Variants in SHMT1 observed in about 807,000 individuals in gnomAD.
SHMT1 encodes the protein serine hydroxymethyltransferase 1, also known as serine hydroxymethyltransferase, cytosolic.
In SHMT1, 45 loss-of-function variants were observed where a neutral mutation model predicts 49.0. That is an observed-to-expected ratio of 0.92 (90% CI 0.72 to 1.18). The LOEUF (loss-of-function observed/expected upper bound fraction) is 1.18, where lower values mean the gene tolerates loss of function less well. SHMT1 is among the 50% of genes most tolerant of loss of function. The pLI, the probability that SHMT1 is intolerant of heterozygous loss-of-function variation, is 0.00. For synonymous variants in SHMT1, 232 were observed against 246.6 expected (o/e 0.94, Z 0.55); for missense variants, 541 against 612.4 (o/e 0.88, Z 1.23).
rs1273822230 is a variant in SHMT1, at chr17:18,327,918, T to TA, written c.*831dup. ...TATTTGAGTTCAAATATTTTTGAAATATAAAAATTGGTTGTATTTTTTAAA... is the reference window on the plus strand; with the variant it reads ...TATTTGAGTTCAAATATTTTTGAAATAATAAAAATTGGTTGTATTTTTTAAA... On this transcript the variant is annotated 3_prime_UTR_variant, in exon 12 of 12. Transcript: ENST00000316694. 6.6e-6 allele frequency: 1 copy of TA among 152,654 alleles called. No individual in the cohort carries two copies. Among genetic ancestry groups the TA allele is most frequent in the Non-Finnish European group, 1.5e-5 (1 of 68,042 alleles). The allele number at this position is 152,654 out of a possible 1,614,324, so 9.5% of individuals were successfully genotyped here.
chr17:18,334,602 G>A (rs1040621981), intron 8 of SHMT1, among the ~76,000 whole-genome samples: 1 of 152,220 alleles, frequency 6.6e-6, no homozygotes, highest in Non-Finnish European at 1.5e-5. Context: ...GGTAGGAGGT[G>A]CAGCCTTCGT....
chr17:18,357,055 G>A (rs151295591), intron 1 of SHMT1, among the ~76,000 whole-genome samples: 35 of 152,010 alleles, frequency 2.3e-4, no homozygotes, highest in African/African-American at 8.4e-4. Flanking sequence ...GCCGAGGTGG[G>A]CAGATCACAA....
rs149605287 is a variant in SHMT1 at position 18,340,735 on chromosome 17, C to T, written c.598G>A (p.Ala200Thr). 37 of 1,611,542 alleles carry T rather than the reference C, an allele frequency of 2.3e-5. No individual in the cohort carries two copies. The highest frequency in any genetic ancestry group is 1.7e-4 in the Middle Eastern group (1 of 6,060). ...ARLFHPKLII[A>T]GTSCYSRNLE... ...GACTTTCCGCCCCGCGCATCACCTG[C>T]GATGATCAGCTTCGGGTGGAAGAGG... is the stretch of plus-strand genomic sequence containing the variant. The change falls in exon 6 of 12, where the codon GCA becomes ACA. Residue 200 changes from alanine (A) to threonine (T), a missense_variant. Physicochemically the swap from Ala to Thr is moderately conservative, Grantham distance 58. Coordinates refer to ENST00000316694, the MANE Select transcript of SHMT1 (RefSeq NM_004169.5). This position sits in a 1 kb window ranked among gnomAD's most constrained non-coding sequence, Gnocchi z 4.5.
intron 7 of SHMT1, 149 bp downstream of exon 7, chr17:18,339,894 T>C (rs1984299099): frequency 3.6e-6 from 3 of 843,276 alleles, no homozygotes; most frequent in Non-Finnish European, 5.8e-6. Flanking sequence ...CACTGCTCCT[T>C]CCTAAGCAGC....
chr17:18,352,198 T>G (rs752391600), intron 3 of SHMT1, among the ~76,000 whole-genome samples: 3 of 145,464 alleles, frequency 2.1e-5, no homozygotes, highest in Non-Finnish European at 3.0e-5. Flanking sequence ...CAGGCTAGAG[T>G]GCAGTGGCGC....
chr17:18,331,047 T>C (rs981739223), intron 9 of SHMT1: 16 of 359,606 alleles, frequency 4.4e-5, no homozygotes, highest in Non-Finnish European at 8.2e-5. Flanking sequence ...CAATTTACTT[T>C]GGGGGGTAAG....
chr17:18,331,244 G>A, intron 9 of SHMT1: 1 of 216,634 alleles, frequency 4.6e-6, no homozygotes, highest in Non-Finnish European at 9.3e-6. Flanking sequence ...TTAAGCTGGG[G>A]TAGTGCCTTG....
At chr17:18,362,689 T>C (rs1350630073) in intron 1 of SHMT1, among the ~76,000 whole-genome samples, 1 of 152,214 alleles carries the variant, frequency 6.6e-6, no homozygotes, top group East Asian at 1.9e-4. Flanking sequence ...AACTGCCCGA[T>C]TGAAGGCCCG....
chr17:18,333,151 CATCTGTGTCTCT>C lies in SHMT1; in HGVS notation c.1054+3_1054+14del. Reference sequence around the variant, plus strand: ...CCACAAGAACAGGCCTGCTGAACACCATCTGTGTCTCTACCTGTGACTATTTTGTAGCCCAGC... The same window carrying C: ...CCACAAGAACAGGCCTGCTGAACACCACCTGTGACTATTTTGTAGCCCAGC... On this transcript the variant is annotated splice_donor_5th_base_variant and intron_variant, in intron 9 of 11. Coordinates refer to ENST00000316694, the MANE Select transcript of SHMT1 (RefSeq NM_004169.5). The C allele has an allele frequency of 1.2e-6, 2 of 1,613,896 alleles. No individual in the cohort carries two copies. Among genetic ancestry groups the C allele is most frequent in the African/African-American group, 1.3e-5 (1 of 75,052 alleles).
chr17:18,350,403 T>C (rs1409927065), intron 3 of SHMT1, among the ~76,000 whole-genome samples: 1 of 151,994 alleles, frequency 6.6e-6, no homozygotes, highest in Admixed American at 6.6e-5. Context: ...CCTAGTAATA[T>C]GGAAGGCTCA....
chr17:18,332,749 A>C (rs1983352559), intron 9 of SHMT1: 1 of 305,608 alleles, frequency 3.3e-6, no homozygotes, highest in Non-Finnish European at 6.5e-6. Flanking sequence ...CTGGGAGGGG[A>C]GAGCCCCTGC....
chr17:18,358,170 C>T (rs1017392588), intron 1 of SHMT1, among the ~76,000 whole-genome samples: 2 of 132,084 alleles, frequency 1.5e-5, no homozygotes, highest in African/African-American at 2.7e-5. Context: ...AAAAAAAGAA[C>T]TAAAGAAAGA....
At chr17:18,329,004 A>C in intron 11 of SHMT1, 85 bp from the exon 12 acceptor site, 1 of 1,547,166 alleles carries the variant, frequency 6.5e-7, no homozygotes, top group Non-Finnish European at 8.9e-7. Context: ...AAATGTCAGA[A>C]TGTCCCCCAG....
intron 3 of SHMT1, 82 bp from the exon 4 acceptor site, chr17:18,348,522 G>A (rs768144225): frequency 1.0e-6 from 1 of 986,224 alleles, no homozygotes; most frequent in Admixed American, 1.7e-5. Context: ...GCTTAGGGGT[G>A]GGACAGTGAA....
In SHMT1 at chr17:18,340,713, T is replaced by A. The variant is rs1436712346; in HGVS notation, c.601+19A>T. 3.7e-6 allele frequency: 6 copies of A among 1,603,672 alleles called. No homozygotes were observed. Among genetic ancestry groups the A allele is most frequent in the Non-Finnish European group, 5.1e-6 (6 of 1,174,858 alleles). On this transcript the variant is annotated intron_variant, in intron 6 of 11. Coordinates refer to ENST00000316694, the MANE Select transcript of SHMT1 (RefSeq NM_004169.5). The surrounding 1 kb of genome is among the most constrained non-coding windows in gnomAD (Gnocchi z 4.5). ...CCAGGCTACTGGTGAACAAGGTGAC[T>A]TTCCGCCCCGCGCATCACCTGCGAT...
chr17:18,362,743 G>A (rs750684946), intron 1 of SHMT1, among the ~76,000 whole-genome samples: 2 of 152,178 alleles, frequency 1.3e-5, no homozygotes, highest in African/African-American at 2.4e-5. Flanking sequence ...CTTAACTCCC[G>A]GAATCTCGAA....
Position 18,328,697 on chromosome 17 carries a change from C to T in SHMT1, c.*53G>A, listed in dbSNP as rs112026370. The T allele has an allele frequency of 1.9e-5, 30 of 1,544,188 alleles. No homozygotes were observed. Among genetic ancestry groups the T allele is most frequent in the South Asian group, 1.3e-4 (11 of 84,002 alleles). ...ATCCATCTCTCAGGTGGGGGTCCTC[C>T]GGCAGGCAGCTTCCTCTGTGGCGCC... On this transcript the variant is annotated 3_prime_UTR_variant, in exon 12 of 12. Coordinates refer to ENST00000316694, the MANE Select transcript of SHMT1 (RefSeq NM_004169.5).
intron 5 of SHMT1, chr17:18,341,725 T>A (rs1005444619): frequency 7.2e-6 from 1 of 139,580 alleles, no homozygotes; most frequent in African/African-American, 2.7e-5. Flanking sequence ...ACAAAAACCA[T>A]AAAAGGAAAA....
chr17:18,357,642 A>G (rs538639124), intron 1 of SHMT1, among the ~76,000 whole-genome samples: 1 of 152,268 alleles, frequency 6.6e-6, no homozygotes, highest in Non-Finnish European at 1.5e-5. Context: ...TTTTGAATAC[A>G]TAAGGACCTC....
Sources: allele counts gnomAD v4.1 joint callset (sites outside exome capture counted in the v4.1 genomes callset), GRCh38; gene constraint gnomAD v4.1.1; non-coding constraint Gnocchi (gnomAD v3.1); transcripts MANE v1.5; gene names NCBI Gene and HGNC (gene_info 2026-07-23, HGNC 2026-07-21).